The following RFX4 variants were observed in gnomAD, a reference collection of about 807,000 sequenced individuals.
RFX4 encodes the protein regulatory factor X4.
In RFX4, 10 loss-of-function variants were observed where a neutral mutation model predicts 95.0. The ratio of observed to expected loss-of-function variants is 0.11; its 90% CI spans 0.06 to 0.18. The LOEUF is 0.18. Among genes scored for constraint, RFX4 ranks in the 10% least tolerant of loss-of-function variants. The pLI is 1.00. For missense variants in RFX4, 640 were observed against 922.0 expected (o/e 0.69, Z 3.96); for synonymous variants, 321 against 340.7 (o/e 0.94, Z 0.64).
chr12:106,666,810 G>C (rs1029672644), intron 4 of RFX4, among the ~76,000 whole-genome samples: 2 of 152,084 alleles, frequency 1.3e-5, no homozygotes, highest in Non-Finnish European at 2.9e-5. Flanking sequence ...GTTCTTGCAG[G>C]CTGTCTAATC....
chr12:106,585,011 T>A (rs1371418597), intron 1 of RFX4, among the ~76,000 whole-genome samples: 4 of 152,240 alleles, frequency 2.6e-5, no homozygotes, highest in African/African-American at 4.8e-5. Flanking sequence ...AAGCGCCTTT[T>A]CCACCATTTT....
chr12:106,674,434 AAT>A, intron 4 of RFX4, among the ~76,000 whole-genome samples: 1 of 151,632 alleles, frequency 6.6e-6, no homozygotes, highest in East Asian at 1.9e-4. Context: ...GGGTTCAAGC[AAT>A]TCTCCTGCCT....
intron 17 of RFX4, among the ~76,000 whole-genome samples, chr12:106,757,363 T>G (rs567108844): frequency 1.3e-5 from 2 of 151,968 alleles, no homozygotes; most frequent in Non-Finnish European, 2.9e-5. Flanking sequence ...GCCTGGGCAA[T>G]GTAGTGAGAC....
Position 106,676,749 on chromosome 12 carries a change from A to C in RFX4, c.316-5244A>C, listed in dbSNP as rs369564835. 2.6e-5 allele frequency among the ~76,000 whole-genome samples: 4 copies of C among 152,296 alleles called. No individual in the cohort carries two copies. In the East Asian group the frequency reaches 5.8e-4, roughly 22 times the overall value. On this transcript the variant is annotated intron_variant, in intron 4 of 17. Coordinates refer to ENST00000392842, the MANE Select transcript of RFX4 (RefSeq NM_213594.3). ...CCACCAGAACATCTCCAAGAGGGTC[A>C]ATGTGAGGAGAATAGAAGAGAAATC...
intron 1 of RFX4, among the ~76,000 whole-genome samples, chr12:106,591,801 G>A (rs1311650881): frequency 6.6e-6 from 1 of 152,170 alleles, no homozygotes; most frequent in Non-Finnish European, 1.5e-5. Context: ...AATATATGGA[G>A]CCTTTAGGTA....
intron 13 of RFX4, among the ~76,000 whole-genome samples, chr12:106,721,839 T>G (rs2042401328): frequency 6.6e-6 from 1 of 152,232 alleles, no homozygotes; most frequent in Non-Finnish European, 1.5e-5. Flanking sequence ...CACTTTTCCA[T>G]CTAGCTTTTT....
chr12:106,656,900 C>G (rs556343379), intron 4 of RFX4, among the ~76,000 whole-genome samples: 3 of 152,340 alleles, frequency 2.0e-5, no homozygotes, highest in Admixed American at 2.0e-4. Flanking sequence ...CATCCGAACT[C>G]CATCTTATCT....
chr12:106,686,793 C>T, intron 5 of RFX4, 91 bp from the exon 6 acceptor site: 1 of 1,247,018 alleles, frequency 8.0e-7, no homozygotes, highest in African/African-American at 1.5e-5. Flanking sequence ...GGCAACACTC[C>T]CTACTCAGGA....
chr12:106,760,681 T>G (rs1016530479), intron 17 of RFX4, among the ~76,000 whole-genome samples: 1 of 152,258 alleles, frequency 6.6e-6, no homozygotes, highest in Non-Finnish European at 1.5e-5. Context: ...CTGAAGTTTA[T>G]AATTGAATTC....
rs180951924 is a variant in RFX4, at chr12:106,741,421, G to A, written c.1634-6016G>A. ...GTAGCAAATCCTGTCAAGCAACATC[G>A]TCCAAATAGAACTTTCTGTGATGAG... On this transcript the variant is annotated intron_variant, in intron 15 of 17. Coordinates refer to ENST00000392842, the MANE Select transcript of RFX4 (RefSeq NM_213594.3). 7.2e-5 allele frequency among the ~76,000 whole-genome samples: 11 copies of A among 152,246 alleles called. No individual in the cohort carries two copies. The East Asian group carries it at 2.1e-3, about 29-fold the overall frequency.
chr12:106,751,295 C>T (rs2043000311), intron 17 of RFX4, among the ~76,000 whole-genome samples: 1 of 144,920 alleles, frequency 6.9e-6, no homozygotes, highest in South Asian at 2.3e-4. Context: ...CATAGTATTC[C>T]ATGGTGTATA....
intron 9 of RFX4, among the ~76,000 whole-genome samples, chr12:106,710,414 A>G (rs1168526055): frequency 1.3e-5 from 2 of 152,174 alleles, no homozygotes; most frequent in African/African-American, 2.4e-5. Flanking sequence ...AGAAAAAGTA[A>G]TTAAGGAGAA....
intron 2 of RFX4, among the ~76,000 whole-genome samples, chr12:106,622,609 C>A (rs541707116): frequency 2.2e-4 from 33 of 149,684 alleles, no homozygotes; most frequent in South Asian, 6.5e-4. Context: ...GTCCTTAGCC[C>A]ACTCCAAGCT....
At chr12:106,593,297 C>T (rs1373941685) in intron 1 of RFX4, among the ~76,000 whole-genome samples, 1 of 152,178 alleles carries the variant, frequency 6.6e-6, no homozygotes, top group African/African-American at 2.4e-5. Context: ...GTGTGTTTTC[C>T]AGCTACCCAG....
chr12:106,753,292 G>C (rs2043044966), intron 17 of RFX4, among the ~76,000 whole-genome samples: 2 of 152,082 alleles, frequency 1.3e-5, no homozygotes, highest in Non-Finnish European at 2.9e-5. Flanking sequence ...CTCTGGCTGG[G>C]TGTCTCTTCC....
chr12:106,630,264 G>T (rs2040392466), intron 2 of RFX4, among the ~76,000 whole-genome samples: 1 of 152,036 alleles, frequency 6.6e-6, no homozygotes. Flanking sequence ...TAGAAATTTT[G>T]GATTTTTTAT....
rs770671527 is a variant in RFX4, at chr12:106,732,111, TG to T, written c.1352-18del. 1 of 1,611,996 alleles carries T rather than the reference TG, an allele frequency of 6.2e-7. No homozygotes were observed. The highest frequency in any genetic ancestry group is 1.1e-5 in the South Asian group (1 of 90,866). On this transcript the variant is annotated intron_variant, in intron 13 of 17. Transcript: ENST00000392842. ...GAGACAGCACGACTTACTTTCTGTTTGATCCTTTTTTTCACCAGGGTCTTTT... is the reference window on the plus strand; with the variant it reads ...GAGACAGCACGACTTACTTTCTGTTTATCCTTTTTTTCACCAGGGTCTTTT...
chr12:106,669,046 G>A (rs1257100417), intron 4 of RFX4, among the ~76,000 whole-genome samples: 2 of 152,190 alleles, frequency 1.3e-5, no homozygotes, highest in Non-Finnish European at 2.9e-5. Context: ...AATGCAACTA[G>A]AACAGGATAA....
At chr12:106,674,883 A>G (rs1016970790) in intron 4 of RFX4, among the ~76,000 whole-genome samples, 1 of 152,072 alleles carries the variant, frequency 6.6e-6, no homozygotes, top group African/African-American at 2.4e-5. Flanking sequence ...TAGCCAACCT[A>G]TTATGGTTAT....
Sources: gnomAD v4.1 joint callset for allele counts (sites outside exome capture counted in the v4.1 genomes callset) on GRCh38, gnomAD v4.1.1 for gene constraint, MANE v1.5 for transcripts, NCBI Gene and HGNC (gene_info 2026-07-23, HGNC 2026-07-21) for gene names.